Variants in RBPJ observed in about 807,000 individuals in gnomAD.
RBPJ encodes recombination signal binding protein for immunoglobulin kappa J region, also known as recombining binding protein suppressor of hairless.
In RBPJ, 9 loss-of-function variants were observed where a neutral mutation model predicts 67.8. The observed-to-expected ratio is 0.13, with a 90% CI of 0.08 to 0.23. The LOEUF is 0.23. Ranked by LOEUF, RBPJ falls within the 10% of genes least tolerant of loss-of-function variation. RBPJ has a pLI of 1.00. For missense variants in RBPJ, 305 were observed against 595.6 expected, an observed-to-expected ratio of 0.51 and a Z score of 5.08; for synonymous variants, 198 against 203.3, an observed-to-expected ratio of 0.97 and a Z score of 0.22.
At chr4:26,400,641 T>C (rs1345407993) in intron 2 of RBPJ, among the ~76,000 whole-genome samples, 1 of 152,198 alleles carries the variant, frequency 6.6e-6, no homozygotes, top group Non-Finnish European at 1.5e-5. Flanking sequence ...TTTAATAAAG[T>C]GAAATTTATT....
intron 1 of RBPJ, among the ~76,000 whole-genome samples, chr4:26,277,564 GCT>G (rs1336448381): frequency 6.6e-6 from 1 of 152,220 alleles, no homozygotes; most frequent in Non-Finnish European, 1.5e-5. Context: ...ACCCGGCCAA[GCT>G]ATAGGTGCCC....
intron 4 of RBPJ, among the ~76,000 whole-genome samples, chr4:26,416,311 A>G (rs777853395): frequency 7.9e-5 from 12 of 152,190 alleles, no homozygotes; most frequent in Non-Finnish European, 1.8e-4. Context: ...CCATGCAGAA[A>G]TGCAATAGTG....
At chr4:26,179,062 A>T (rs115665860) in intron 1 of RBPJ, among the ~76,000 whole-genome samples, 2,398 of 152,058 alleles carry the variant, frequency 0.016, 57 homozygotes, top group African/African-American at 0.054. Context: ...CTCACCAGGG[A>T]CCCATGCAGC....
chr4:26,140,419 A>G, the RBPJ span, among the ~76,000 whole-genome samples: 1 of 152,180 alleles, frequency 6.6e-6, no homozygotes, highest in African/African-American at 2.4e-5. Context: ...CTTGGTTCAG[A>G]TGCCCAAAGG....
intron 4 of RBPJ, among the ~76,000 whole-genome samples, chr4:26,416,374 G>T (rs571480138): frequency 2.0e-5 from 3 of 152,084 alleles, no homozygotes; most frequent in Non-Finnish European, 4.4e-5. Context: ...CCATAGGTGT[G>T]TGTCACTATG....
At chr4:26,115,673 G>A in the RBPJ span, among the ~76,000 whole-genome samples, 1 of 152,140 alleles carries the variant, frequency 6.6e-6, no homozygotes, top group Non-Finnish European at 1.5e-5. Context: ...TAAGTTTTAA[G>A]TGAGATATTA....
chr4:26,158,945 T>TTCTCTCTCTCTCTCTCTCTCTCTCTCTC (rs5856933), upstream of RBPJ, among the ~76,000 whole-genome samples: 33 of 136,730 alleles, frequency 2.4e-4, no homozygotes, highest in Non-Finnish European at 3.0e-4. Context: ...CTCTCTCTCT[T>TTCTCTCTCTCTCTCTCTCTCTCTCTCTC]TCTCTCTCTC....
chr4:26,117,612 T>G, the RBPJ span, among the ~76,000 whole-genome samples: 2 of 152,184 alleles, frequency 1.3e-5, no homozygotes, highest in Admixed American at 6.5e-5. Flanking sequence ...GTGTAGCATA[T>G]AGCATTCAGG....
At chr4:26,346,998 A>C (rs2109424428) in intron 1 of RBPJ, among the ~76,000 whole-genome samples, 1 of 152,274 alleles carries the variant, frequency 6.6e-6, no homozygotes, top group East Asian at 1.9e-4. Flanking sequence ...TCTCAAAAAA[A>C]AAATAAAAAA....
chr4:26,241,147 A>G (rs559823970), intron 1 of RBPJ, among the ~76,000 whole-genome samples: 1 of 151,852 alleles, frequency 6.6e-6, no homozygotes, highest in Admixed American at 6.6e-5. Context: ...CAGTGAGCCA[A>G]GGTCGCACCA....
the RBPJ span, among the ~76,000 whole-genome samples, chr4:26,117,000 A>C: frequency 6.6e-6 from 1 of 152,244 alleles, no homozygotes; most frequent in Non-Finnish European, 1.5e-5. Context: ...TCTAACTGAG[A>C]AAACTGACTT....
intron 1 of RBPJ, among the ~76,000 whole-genome samples, chr4:26,170,124 C>G (rs985258084): frequency 6.6e-6 from 1 of 152,120 alleles, no homozygotes; most frequent in Non-Finnish European, 1.5e-5. Flanking sequence ...GAGATGAACC[C>G]GGTACCTCAG....
At chr4:26,319,371 T>C (rs1375012911), upstream of RBPJ, among the ~76,000 whole-genome samples, 1 of 152,090 alleles carries the variant, frequency 6.6e-6, no homozygotes, top group Non-Finnish European at 1.5e-5. Context: ...CGTGTGCGTG[T>C]TGTGTGCGAG....
intron 1 of RBPJ, among the ~76,000 whole-genome samples, chr4:26,274,979 G>A (rs528510555): frequency 9.9e-4 from 150 of 152,088 alleles, no homozygotes; most frequent in African/African-American, 3.4e-3. Flanking sequence ...GAAAGGAAAG[G>A]AAAAAAGTTT....
chr4:26,349,466 A>G (rs1726575262), intron 1 of RBPJ, among the ~76,000 whole-genome samples: 1 of 152,122 alleles, frequency 6.6e-6, no homozygotes, highest in African/African-American at 2.4e-5. Flanking sequence ...ATACTTTGCG[A>G]TAGAGTCATT....
rs192951726 is a variant in RBPJ, at chr4:26,240,131, C to A, written c.-167+76517C>A. Among the ~76,000 whole-genome samples the A allele has an allele frequency of 4.9e-3, 743 of 152,284 alleles. 8 individuals carry two copies. Among genetic ancestry groups the A allele is most frequent in the African/African-American group, 0.017 (697 of 41,550 alleles). ...AATAATACAGAATGCCCAATTAACA[C>A]TGAATTTCAGATAAATCACAAATAA... is the stretch of plus-strand genomic sequence containing the variant. On this transcript the variant is annotated intron_variant, in intron 1 of 4. Coordinates refer to the RBPJ transcript ENST00000512351.
chr4:26,112,801 C>T, the RBPJ span: 1 of 141,366 alleles, frequency 7.1e-6, no homozygotes, highest in Non-Finnish European at 1.5e-5. Context: ...CTCTTGTTGC[C>T]CAGGCTGGAG....
intron 2 of RBPJ, among the ~76,000 whole-genome samples, chr4:26,401,696 C>T (rs919013137): frequency 2.0e-5 from 3 of 152,078 alleles, no homozygotes; most frequent in African/African-American, 7.2e-5. Flanking sequence ...AAACACAATG[C>T]AGTTACTGCT....
intron 1 of RBPJ, among the ~76,000 whole-genome samples, chr4:26,180,554 G>T (rs1394285876): frequency 6.6e-6 from 1 of 152,176 alleles, no homozygotes; most frequent in African/African-American, 2.4e-5. Flanking sequence ...TCCTCACAAG[G>T]TGAAAGGGGT....
Sources: allele counts gnomAD v4.1 joint callset (sites outside exome capture counted in the v4.1 genomes callset), GRCh38; gene constraint gnomAD v4.1.1; transcripts MANE v1.5; gene names NCBI Gene and HGNC (gene_info 2026-07-23, HGNC 2026-07-21).